The following ABI3BP variants were observed in gnomAD, a reference collection of about 807,000 sequenced individuals.
ABI3BP encodes ABI family member 3 binding protein.
ABI3BP carries 216 observed loss-of-function variants against 268.6 expected under a neutral mutation model. That is an observed-to-expected ratio of 0.80 (90% confidence interval 0.72 to 0.90). The LOEUF (loss-of-function observed/expected upper bound fraction) is 0.90. Among genes scored for constraint, ABI3BP ranks in the 40% least tolerant of loss-of-function variants. ABI3BP has a pLI of 0.00. For missense variants in ABI3BP, 2,090 were observed against 2,182.4 expected, an observed-to-expected ratio of 0.96 and a Z score of 0.84; for synonymous variants, 730 against 730.0, an observed-to-expected ratio of 1.00 and a Z score of 0.00.
intron 1 of ABI3BP, among the ~76,000 whole-genome samples, chr3:100,980,125 A>G (rs2088549385): frequency 6.6e-6 from 1 of 152,234 alleles, no homozygotes; most frequent in African/African-American, 2.4e-5. Context: ...GTAGGTTATT[A>G]TACATTAGAG....
In ABI3BP at chr3:100,959,351, G is replaced by A. The variant is rs535358930; in HGVS notation, c.80-32870C>T. Reference sequence around the variant, plus strand: ...TAAAAATACAAAAAATTAGCCGGGCGTGGTAGCGGGCGCCTGTAGTCCCAG... The same window carrying A: ...TAAAAATACAAAAAATTAGCCGGGCATGGTAGCGGGCGCCTGTAGTCCCAG... On this transcript the variant is annotated intron_variant, in intron 1 of 67. Coordinates refer to ENST00000471714, the MANE Select transcript of ABI3BP (RefSeq NM_001375547.2). Among the ~76,000 whole-genome samples the A allele has an allele frequency of 1.6e-3, 244 of 151,298 alleles. 2 individuals carry two copies. Among genetic ancestry groups the A allele is most frequent in the African/African-American group, 5.6e-3 (232 of 41,250 alleles).
rs2095793474 is a variant in ABI3BP at position 100,758,959 on chromosome 3, T to G, written c.4851-4268A>C. ...CTTCAGATCTGGATGGAGCAGATGC[T>G]TGCCATTCCCTACCCCGTTTTGATC... On this transcript the variant is annotated intron_variant, in intron 63 of 67. Coordinates refer to ENST00000471714, the MANE Select transcript of ABI3BP (RefSeq NM_001375547.2). 2.6e-5 allele frequency among the ~76,000 whole-genome samples: 4 copies of G among 152,206 alleles called. No individual in the cohort carries two copies. The South Asian group carries it at 8.3e-4, about 31-fold the overall frequency.
chr3:100,810,706 C>T (rs548896457), intron 48 of ABI3BP, among the ~76,000 whole-genome samples: 3 of 152,044 alleles, frequency 2.0e-5, no homozygotes, highest in Non-Finnish European at 4.4e-5. Flanking sequence ...AGAACTCTAC[C>T]TCCTCAACAA....
chr3:100,775,233 G>T lies in ABI3BP; in HGVS notation c.4436C>A (p.Thr1479Lys). ...ERIETDIKQP[T>K]VPASGEELEN... ...CAGTTCTTCTCCAGAGGCAGGAACT[G>T]TTGGTTGCTTTATATCTGTCTCTAT... Residue 1479 changes from threonine to lysine, a missense_variant, in exon 60 of 68, where the codon ACA becomes AAA. Physicochemically the swap from Thr to Lys is moderately conservative, Grantham distance 78. Coordinates refer to ENST00000471714, the MANE Select transcript of ABI3BP (RefSeq NM_001375547.2). 1 of 1,612,530 alleles carries T rather than the reference G, an allele frequency of 6.2e-7. No homozygotes were observed. The highest frequency in any genetic ancestry group is 8.5e-7 in the Non-Finnish European group (1 of 1,179,284).
chr3:100,823,941 C>T lies in ABI3BP; in HGVS notation c.2747-427G>A, dbSNP rs547439653. 1.2e-3 allele frequency among the ~76,000 whole-genome samples: 180 copies of T among 151,974 alleles called. 1 individual carries two copies. Among genetic ancestry groups the T allele is most frequent in the Middle Eastern group, 6.8e-3 (2 of 294 alleles). On this transcript the variant is annotated intron_variant, in intron 36 of 67. Coordinates refer to ENST00000471714, the MANE Select transcript of ABI3BP (RefSeq NM_001375547.2). ...AAGAGACAGTTCATATGTTTGATACCGACATAAAAAAGTAATCATTGAAGT... is the reference window on the plus strand; with the variant it reads ...AAGAGACAGTTCATATGTTTGATACTGACATAAAAAAGTAATCATTGAAGT...
At chr3:100,931,869 T>C (rs2063752445) in intron 1 of ABI3BP, among the ~76,000 whole-genome samples, 2 of 152,070 alleles carry the variant, frequency 1.3e-5, no homozygotes, top group Non-Finnish European at 1.5e-5. Flanking sequence ...AAAATTCATA[T>C]GGAACCACAA....
chr3:100,885,904 T>G (rs951904336), intron 5 of ABI3BP, among the ~76,000 whole-genome samples: 1 of 152,008 alleles, frequency 6.6e-6, no homozygotes, highest in East Asian at 1.9e-4. Flanking sequence ...TGTAATACAA[T>G]AGACAACGAC....
intron 1 of ABI3BP, among the ~76,000 whole-genome samples, chr3:100,953,737 G>T (rs749238979): frequency 6.6e-5 from 10 of 152,130 alleles, no homozygotes; most frequent in Non-Finnish European, 1.3e-4. Flanking sequence ...GGTTTATGGA[G>T]AAGGTGAGAC....
At chr3:100,926,240 C>A in intron 2 of ABI3BP, 62 bp downstream of exon 2, 2 of 1,537,870 alleles carry the variant, frequency 1.3e-6, no homozygotes, top group South Asian at 2.3e-5. Context: ...ATTTGTAGGT[C>A]ATGTTACACC....
At position 100,838,419 on chromosome 3, in the gene ABI3BP, G is replaced by A; in HGVS notation, c.1991C>T (p.Ala664Val). 1.3e-6 allele frequency: 2 copies of A among 1,535,788 alleles called. No individual in the cohort carries two copies. Among genetic ancestry groups the A allele is most frequent in the Non-Finnish European group, 1.7e-6 (2 of 1,146,706 alleles). ...ATGATTACCAGGCTGAATTTGAGGT[G>A]CATCTGGTCTGTGTGTGGTTTTAGG... ...ERPKTTHRPD[A>V]PQIQPGSKPP... The change falls in exon 25 of 68, where the codon GCA (alanine) becomes GTA (valine). Residue 664 changes from alanine (A) to valine (V), a missense_variant. By Grantham distance (64) the Ala-to-Val change is moderately conservative. Coordinates refer to ENST00000471714, the MANE Select transcript of ABI3BP (RefSeq NM_001375547.2).
rs1364784256 is a variant in ABI3BP at position 100,750,351 on chromosome 3, CTAA to C, written c.*141_*143del. The C allele has an allele frequency of 1.8e-4, 97 of 546,400 alleles. No homozygotes were observed. In the African/African-American group the frequency reaches 1.8e-3, roughly 10 times the overall value. 33.8% of individuals were successfully genotyped at this position (546,400 alleles called of 1,614,324 possible). On this transcript the variant is annotated 3_prime_UTR_variant, in exon 68 of 68. Transcript: ENST00000471714. ...TGATAAATACTCTCAGCAATCTTTTCTAATAATAAACATCTAGTATTGCTATTA... is the reference window on the plus strand; with the variant it reads ...TGATAAATACTCTCAGCAATCTTTTCTAATAAACATCTAGTATTGCTATTA...
chr3:100,872,731 G>A (rs930326526), intron 9 of ABI3BP, among the ~76,000 whole-genome samples: 2 of 152,160 alleles, frequency 1.3e-5, no homozygotes, highest in African/African-American at 2.4e-5. Flanking sequence ...TAATTTGGGA[G>A]CATCCTGGCA....
At chr3:100,974,073 CA>C (rs777526476) in intron 1 of ABI3BP, among the ~76,000 whole-genome samples, 1 of 151,938 alleles carries the variant, frequency 6.6e-6, no homozygotes, top group Non-Finnish European at 1.5e-5. Flanking sequence ...TTCCTATTAG[CA>C]GCTAAAAATA....
intron 26 of ABI3BP, 82 bp downstream of exon 26, chr3:100,838,128 A>G: frequency 7.2e-7 from 1 of 1,381,154 alleles, no homozygotes; most frequent in East Asian, 2.5e-5. Flanking sequence ...TATGATTTAT[A>G]TGATATGACA....
rs143695236 is a variant in ABI3BP at position 100,883,335 on chromosome 3, T to G, written c.696+2201A>C. On this transcript the variant is annotated intron_variant, in intron 6 of 67. Coordinates refer to ENST00000471714, the MANE Select transcript of ABI3BP (RefSeq NM_001375547.2). ...AAGGAAATTTCATGAGTTGTCTATTTCAAAAATGTCTATGAGCAAACTTAA... is the reference window on the plus strand; with the variant it reads ...AAGGAAATTTCATGAGTTGTCTATTGCAAAAATGTCTATGAGCAAACTTAA... Among the ~76,000 whole-genome samples, 163 of 152,206 alleles carry G rather than the reference T, an allele frequency of 1.1e-3. 1 individual carries two copies. In the East Asian group the frequency reaches 0.012, roughly 11 times the overall value.
intron 1 of ABI3BP, among the ~76,000 whole-genome samples, chr3:100,953,432 C>A (rs1392131742): frequency 6.6e-6 from 1 of 152,014 alleles, no homozygotes; most frequent in East Asian, 1.9e-4. Context: ...GGCTAAATAG[C>A]GTGTATGCAA....
chr3:100,843,752 CA>C (rs1335327775), intron 20 of ABI3BP: 2 of 981,604 alleles, frequency 2.0e-6, no homozygotes, highest in Admixed American at 1.2e-4. Flanking sequence ...CAATAAATAT[CA>C]AATAAGCATT....
chr3:100,839,651 C>A, intron 23 of ABI3BP, 35 bp from the exon 24 acceptor site: 1 of 1,533,940 alleles, frequency 6.5e-7, no homozygotes, highest in Non-Finnish European at 8.7e-7. Flanking sequence ...TGAAATATTT[C>A]AAGAAGTGGC....
intron 6 of ABI3BP, among the ~76,000 whole-genome samples, chr3:100,878,104 C>A (rs1297577636): frequency 6.6e-6 from 1 of 152,042 alleles, no homozygotes; most frequent in Non-Finnish European, 1.5e-5. Context: ...AGGAATTAAT[C>A]AAAGACAGTG....
Sources: gnomAD v4.1 joint callset for allele counts (sites outside exome capture counted in the v4.1 genomes callset) on GRCh38, gnomAD v4.1.1 for gene constraint, MANE v1.5 for transcripts, NCBI Gene and HGNC (gene_info 2026-07-23, HGNC 2026-07-21) for gene names.